TNS3: variants seen among roughly 807,000 people sequenced by gnomAD.
The protein encoded by TNS3 is tensin-3.
A neutral mutation model predicts 140.9 loss-of-function variants in TNS3; 45 were observed. The observed-to-expected ratio is 0.32, with a 90% CI of 0.25 to 0.41. The LOEUF is 0.41. TNS3 is among the 10% of genes least tolerant of loss of function. The pLI is 1.00. For missense variants in TNS3, 1,716 were observed against 1,906.7 expected (o/e 0.90, Z 1.86); for synonymous variants, 815 against 788.4 (o/e 1.03, Z -0.56).
At chr7:47,545,780 G>A (rs1799904414) in intron 1 of TNS3, among the ~76,000 whole-genome samples, 1 of 152,222 alleles carries the variant, frequency 6.6e-6, no homozygotes, top group Admixed American at 6.5e-5. Context: ...ATCTGGAACT[G>A]TGGGTAATGA....
chr7:47,483,429 A>G (rs1159746769), intron 3 of TNS3, among the ~76,000 whole-genome samples: 1 of 152,178 alleles, frequency 6.6e-6, no homozygotes, highest in Admixed American at 6.6e-5. Context: ...TCGGCCTCCC[A>G]AAGTACTGGG....
chr7:47,435,230 C>T, intron 8 of TNS3, 52 bp downstream of exon 8: 2 of 1,607,412 alleles, frequency 1.2e-6, no homozygotes, highest in South Asian at 2.2e-5. Flanking sequence ...CATCTCAACT[C>T]CAAAGGCTGA....
chr7:47,353,881 G>A (rs189642455), intron 17 of TNS3, among the ~76,000 whole-genome samples: 30 of 152,010 alleles, frequency 2.0e-4, no homozygotes, highest in Middle Eastern at 6.8e-3. Flanking sequence ...GTCTCACTCC[G>A]CAACCTGCAG....
chr7:47,303,730 A>C, intron 21 of TNS3, 146 bp from the exon 22 acceptor site: 1 of 935,272 alleles, frequency 1.1e-6, no homozygotes, highest in Non-Finnish European at 1.6e-6. Context: ...TTTCCAAAAT[A>C]TGTACACTAA....
At chr7:47,440,089 G>A (rs1795389719) in intron 5 of TNS3, among the ~76,000 whole-genome samples, 1 of 152,104 alleles carries the variant, frequency 6.6e-6, no homozygotes, top group Admixed American at 6.5e-5. Context: ...GGGGGCACCG[G>A]GAGGGGGCCA....
rs189618926 is a variant in TNS3, at chr7:47,425,970, T to C, written c.390-1786A>G. Reference sequence around the variant, plus strand: ...TCAAAAATATATGTATAAGAATGTGTTCATCATGGCAAGCTTTGCAGTAGA... The same window carrying C: ...TCAAAAATATATGTATAAGAATGTGCTCATCATGGCAAGCTTTGCAGTAGA... On this transcript the variant is annotated intron_variant, in intron 9 of 30. Coordinates refer to ENST00000311160, the MANE Select transcript of TNS3 (RefSeq NM_022748.12). Among the ~76,000 whole-genome samples, 105 of 152,136 alleles carry C rather than the reference T, an allele frequency of 6.9e-4. 2 individuals carry two copies. The highest frequency in any genetic ancestry group is 4.2e-3 in the Admixed American group (64 of 15,276).
In TNS3 at chr7:47,544,419, T is replaced by C. The variant is rs541213948; in HGVS notation, c.-264-15272A>G. 5.8e-4 allele frequency among the ~76,000 whole-genome samples: 88 copies of C among 152,156 alleles called. 2 individuals are homozygous for C. In the South Asian group the frequency reaches 0.018, roughly 32 times the overall value. ...GAAATCCTCACCCACGAGGTGACGA[T>C]ATTAGGAGGTGAGGCCTTTGGGAGG... is the stretch of plus-strand genomic sequence containing the variant. On this transcript the variant is annotated intron_variant, in intron 1 of 30. Coordinates refer to ENST00000311160, the MANE Select transcript of TNS3 (RefSeq NM_022748.12).
At chr7:47,430,349 C>T (rs555969475) in intron 8 of TNS3, among the ~76,000 whole-genome samples, 2 of 152,056 alleles carry the variant, frequency 1.3e-5, no homozygotes, top group African/African-American at 2.4e-5. Context: ...AGGCTGATCT[C>T]GAACTCCCGA....
intron 4 of TNS3, among the ~76,000 whole-genome samples, chr7:47,469,971 C>G (rs1192494065): frequency 3.4e-5 from 1 of 29,688 alleles, no homozygotes; most frequent in Non-Finnish European, 5.1e-5. Context: ...GAAACTCTGT[C>G]TCAAAAAAAA....
intron 4 of TNS3, among the ~76,000 whole-genome samples, chr7:47,463,925 T>G (rs189399414): frequency 1.5e-3 from 229 of 152,340 alleles, no homozygotes; most frequent in Non-Finnish European, 2.5e-3. Flanking sequence ...GATTTAAAAT[T>G]GCTAGAAACT....
At chr7:47,504,752 T>A (rs1269335078) in intron 3 of TNS3, among the ~76,000 whole-genome samples, 1 of 152,164 alleles carries the variant, frequency 6.6e-6, no homozygotes, top group South Asian at 2.1e-4. Flanking sequence ...ATGGCCCTCA[T>A]ATCCCCAACA....
At chr7:47,548,801 C>G (rs1345376566) in intron 1 of TNS3, among the ~76,000 whole-genome samples, 2 of 152,142 alleles carry the variant, frequency 1.3e-5, no homozygotes, top group Non-Finnish European at 2.9e-5. Flanking sequence ...TGAGCACCAC[C>G]TGCTCCCACC....
At chr7:47,334,686 CT>C (rs891290258) in intron 20 of TNS3, among the ~76,000 whole-genome samples, 16 of 145,434 alleles carry the variant, frequency 1.1e-4, no homozygotes, top group Non-Finnish European at 2.1e-4. Flanking sequence ...CTCATGCAAC[CT>C]CCGCCTCCTG....
At chr7:47,574,574 A>T (rs765713913) in intron 1 of TNS3, among the ~76,000 whole-genome samples, 1 of 152,146 alleles carries the variant, frequency 6.6e-6, no homozygotes, top group Non-Finnish European at 1.5e-5. Context: ...GGGTAGAAGT[A>T]ACTGAAGTGT....
At chr7:47,420,961 TC>T (rs1394319418) in intron 10 of TNS3, among the ~76,000 whole-genome samples, 1 of 152,156 alleles carries the variant, frequency 6.6e-6, no homozygotes, top group Non-Finnish European at 1.5e-5. Context: ...TGGTCTGTCT[TC>T]CCTTTACCTC....
chr7:47,403,464 GAAC>G, intron 13 of TNS3: 1 of 152,250 alleles, frequency 6.6e-6, no homozygotes, highest in Admixed American at 6.5e-5. Flanking sequence ...CACTGGCAGA[GAAC>G]AACTGCTGCC....
intron 20 of TNS3, among the ~76,000 whole-genome samples, chr7:47,319,389 G>C (rs1246251690): frequency 6.6e-6 from 1 of 152,124 alleles, no homozygotes; most frequent in Admixed American, 6.6e-5. Flanking sequence ...GAGAGAGAGA[G>C]AGTGAGAGAG....
In TNS3 at chr7:47,304,988, G is replaced by C. The variant is rs761811680; in HGVS notation, c.2666C>G (p.Pro889Arg). ...CCCCACAGCGTGAGTGAGCGTCTCA[G>C]GGCAGCTTCGTGGTTCTGTAGCGGG... ...HKGGREPRSC[P>R]ETLTHAVGMS... is the part of the protein sequence containing the mutation. The change falls in exon 21 of 31, where the codon CCT becomes CGT. Residue 889 changes from proline to arginine, a missense_variant. Physicochemically the swap from Pro to Arg is moderately radical, Grantham distance 103 (BLOSUM62 -2). Transcript: ENST00000311160. 2.4e-5 allele frequency: 32 copies of C among 1,360,204 alleles called. No homozygotes were observed. The highest frequency in any genetic ancestry group is 3.1e-5 in the Non-Finnish European group (32 of 1,044,734). The allele number at this position is 1,360,204 out of a possible 1,614,324, so 84.3% of individuals were successfully genotyped here.
At chr7:47,415,028 G>A in intron 11 of TNS3, 66 bp downstream of exon 11, 2 of 1,206,372 alleles carry the variant, frequency 1.7e-6, no homozygotes, top group Admixed American at 2.2e-5. Context: ...CTAAATTGAG[G>A]GGCCCAGGAC....
Sources: allele counts gnomAD v4.1 joint callset (sites outside exome capture counted in the v4.1 genomes callset), GRCh38; gene constraint gnomAD v4.1.1; transcripts MANE v1.5; gene names NCBI Gene and HGNC (gene_info 2026-07-23, HGNC 2026-07-21).